Variants in SNX31 observed in about 807,000 individuals in gnomAD.
SNX31 encodes the protein sorting nexin 31, also known as sorting nexin-31.
In SNX31, 58 loss-of-function variants were observed where a neutral mutation model predicts 65.4. That is an observed-to-expected ratio of 0.89 (90% CI 0.72 to 1.10). The LOEUF is 1.10. SNX31 is among the 50% of genes least tolerant of loss of function. The pLI, the probability that SNX31 is intolerant of heterozygous loss-of-function variation, is 0.00. For missense variants in SNX31, 523 were observed against 529.7 expected (o/e 0.99, Z 0.12); for synonymous variants, 181 against 190.1 (o/e 0.95, Z 0.39).
rs1334250786 is a variant in SNX31, at chr8:100,584,190, T to C, written c.1093-2A>G. The C allele has an allele frequency of 6.3e-7, 1 of 1,592,692 alleles. No individual in the cohort carries two copies. The highest frequency in any genetic ancestry group is 8.5e-7 in the Non-Finnish European group (1 of 1,171,864). The stretch of plus-strand genomic sequence containing the variant: ...CAAGCAGCTACTCAGCAAAAAAGCC[T>C]AAGAAATGCAGGAATAAAGAACTCT... On this transcript the variant is annotated splice_acceptor_variant, in intron 11 of 13. Transcript: ENST00000311812. LOFTEE classifies it high-confidence loss of function.
intron 2 of SNX31, among the ~76,000 whole-genome samples, chr8:100,644,407 A>G (rs1414374127): frequency 1.3e-5 from 2 of 152,196 alleles, no homozygotes; most frequent in Admixed American, 6.5e-5. Flanking sequence ...CTTTAAATCT[A>G]TTTGGGCAGG....
intron 12 of SNX31, among the ~76,000 whole-genome samples, chr8:100,582,908 G>A (rs1054803488): frequency 1.1e-4 from 16 of 151,412 alleles, no homozygotes; most frequent in African/African-American, 1.9e-4. Flanking sequence ...GTGTGAACCC[G>A]GAAGGCGGAG....
Position 100,625,335 on chromosome 8 carries a change from A to G in SNX31, c.321+4992T>C, listed in dbSNP as rs566812848. Among the ~76,000 whole-genome samples, 1 of 150,150 alleles carries G rather than the reference A, an allele frequency of 6.7e-6. No individual in the cohort carries two copies. The highest frequency in any genetic ancestry group is 2.4e-5 in the African/African-American group (1 of 41,118). ...TGTAGAGAAATGACAGCGGCCCATC[A>G]TTGCATGTGATGGAGGTTTAGAGCC... On this transcript the variant is annotated intron_variant, in intron 4 of 13. Coordinates refer to ENST00000311812, the MANE Select transcript of SNX31 (RefSeq NM_152628.4). This position sits in a 1 kb window ranked among gnomAD's most constrained non-coding sequence, Gnocchi z 4.2.
At chr8:100,631,545 C>A (rs140252552) in intron 3 of SNX31, among the ~76,000 whole-genome samples, 1 of 149,812 alleles carries the variant, frequency 6.7e-6, no homozygotes, top group Admixed American at 6.7e-5. Context: ...TCAAGCAATT[C>A]TCCTGCCTCA....
At chr8:100,640,217 T>C (rs189998212) in intron 2 of SNX31, among the ~76,000 whole-genome samples, 1,782 of 152,312 alleles carry the variant, frequency 0.012, 18 homozygotes, top group Middle Eastern at 0.041. Context: ...AACCTCTGCC[T>C]CCTGGGTTCG....
rs957564681 is a variant in SNX31, at chr8:100,576,341, C to T, written c.1227+678G>A. 2.6e-5 allele frequency among the ~76,000 whole-genome samples: 4 copies of T among 152,198 alleles called. No individual in the cohort carries two copies. The highest frequency in any genetic ancestry group is 9.6e-5 in the African/African-American group (4 of 41,452). On this transcript the variant is annotated intron_variant, in intron 13 of 13. Transcript: ENST00000311812. This position sits in a 1 kb window ranked among gnomAD's most constrained non-coding sequence, Gnocchi z 4.8. Reference sequence around the variant, plus strand: ...AAGTCACTTTTCTTTCATTCACCTACACTAGGATTTGGACTTAGAAAGGAA... The same window carrying T: ...AAGTCACTTTTCTTTCATTCACCTATACTAGGATTTGGACTTAGAAAGGAA...
chr8:100,597,426 G>T (rs1815213310), intron 9 of SNX31, among the ~76,000 whole-genome samples: 3 of 152,148 alleles, frequency 2.0e-5, no homozygotes, highest in Admixed American at 2.0e-4. Context: ...ATTTTTAGTG[G>T]AGACAGGGTT....
At chr8:100,631,356 T>C (rs1017967830) in intron 3 of SNX31, among the ~76,000 whole-genome samples, 2 of 152,060 alleles carry the variant, frequency 1.3e-5, no homozygotes, top group African/African-American at 4.8e-5. Context: ...TCCTCTCCTA[T>C]ATCCTGCGCT....
intron 12 of SNX31, 38 bp downstream of exon 12, chr8:100,584,073 A>C: frequency 6.3e-7 from 1 of 1,578,302 alleles, no homozygotes; most frequent in South Asian, 1.1e-5. Context: ...GATAGTGGGA[A>C]CGTAAAGTGA....
At chr8:100,591,430 A>T (rs1009495683) in intron 10 of SNX31, among the ~76,000 whole-genome samples, 36 of 146,972 alleles carry the variant, frequency 2.4e-4, no homozygotes, top group Admixed American at 2.1e-4. Flanking sequence ...CGGAGCTTGC[A>T]GTGAGCCGAG....
At chr8:100,601,230 G>C (rs947550424) in intron 8 of SNX31, among the ~76,000 whole-genome samples, 2 of 152,158 alleles carry the variant, frequency 1.3e-5, no homozygotes, top group African/African-American at 4.8e-5. Context: ...TGTGATGTAG[G>C]TACTGTTATG....
At position 100,600,396 on chromosome 8, in the gene SNX31, G is replaced by C. The variant is rs1815508933; in HGVS notation, c.727C>G (p.Gln243Glu). Residue 243 changes from glutamine to glutamate, a missense_variant, in exon 9 of 14, where the codon CAG becomes GAG. Gln to Glu is a conservative substitution (Grantham distance 29). Transcript: ENST00000311812. Reference sequence around the variant, plus strand: ...TGGAAAGCTTCTAATTTCTGCCTCTGTGCCTGTGTGGGTTTGGCCCATCCT... The same window carrying C: ...TGGAAAGCTTCTAATTTCTGCCTCTCTGCCTGTGTGGGTTTGGCCCATCCT... The part of the protein sequence containing the change: ...EKGWAKPTQA[Q>E]RQKLEAFQKE... 14 of 1,613,742 alleles carry C rather than the reference G, an allele frequency of 8.7e-6. No homozygotes were observed. The highest frequency in any genetic ancestry group is 1.2e-5 in the Non-Finnish European group (14 of 1,179,834).
chr8:100,615,301 C>T (rs1044501413), intron 5 of SNX31, among the ~76,000 whole-genome samples: 18 of 152,148 alleles, frequency 1.2e-4, no homozygotes, highest in African/African-American at 3.9e-4. Context: ...TACCACAGAA[C>T]CCTGGAGATA....
At chr8:100,646,704 T>C (rs1373105905) in intron 2 of SNX31, among the ~76,000 whole-genome samples, 4 of 152,226 alleles carry the variant, frequency 2.6e-5, no homozygotes, top group Non-Finnish European at 4.4e-5. Flanking sequence ...ACCTCGATCA[T>C]GGTGGTGGTA....
intron 9 of SNX31, among the ~76,000 whole-genome samples, chr8:100,597,570 C>T (rs1586896371): frequency 6.6e-6 from 1 of 152,144 alleles, no homozygotes; most frequent in East Asian, 1.9e-4. Flanking sequence ...AAAAACTAAG[C>T]TGAGATCTAT....
chr8:100,575,341 C>T lies in SNX31; in HGVS notation c.1228-1381G>A, dbSNP rs368514577. Among the ~76,000 whole-genome samples, 5 of 152,256 alleles carry T rather than the reference C, an allele frequency of 3.3e-5. No homozygotes were observed. The highest frequency in any genetic ancestry group is 4.8e-5 in the African/African-American group (2 of 41,544). ...GCTTTGGTTGTTTATTGGGATTAAACGAGTTATACATAAAAAGTAATTATA... is the reference window on the plus strand; with the variant it reads ...GCTTTGGTTGTTTATTGGGATTAAATGAGTTATACATAAAAAGTAATTATA... On this transcript the variant is annotated intron_variant, in intron 13 of 13. Transcript: ENST00000311812. The surrounding 1 kb of genome is among the most constrained non-coding windows in gnomAD (Gnocchi z 5.1).
At chr8:100,592,635 A>C (rs1814689856) in intron 10 of SNX31, among the ~76,000 whole-genome samples, 1 of 152,184 alleles carries the variant, frequency 6.6e-6, no homozygotes, top group South Asian at 2.1e-4. Context: ...TATATACTCA[A>C]GAGACATAAA....
chr8:100,602,217 G>A lies in SNX31; in HGVS notation c.682-1776C>T, dbSNP rs113900407. Reference sequence around the variant, plus strand: ...CCTTAGTCTGAACATAAGCCTATCTGCTACATCCCTCAGTGATATTGGCAG... The same window carrying A: ...CCTTAGTCTGAACATAAGCCTATCTACTACATCCCTCAGTGATATTGGCAG... On this transcript the variant is annotated intron_variant, in intron 8 of 13. Coordinates refer to ENST00000311812, the MANE Select transcript of SNX31 (RefSeq NM_152628.4). Among the ~76,000 whole-genome samples, 840 of 152,324 alleles carry A rather than the reference G, an allele frequency of 5.5e-3. 13 individuals are homozygous for A. The highest frequency in any genetic ancestry group is 0.019 in the African/African-American group (779 of 41,564).
chr8:100,645,230 A>G (rs939571825), intron 2 of SNX31, among the ~76,000 whole-genome samples: 2 of 152,272 alleles, frequency 1.3e-5, no homozygotes, highest in Non-Finnish European at 1.5e-5. Context: ...ATCAGGATGC[A>G]GAACTTCCCA....
Sources: allele counts gnomAD v4.1 joint callset (sites outside exome capture counted in the v4.1 genomes callset), GRCh38; gene constraint gnomAD v4.1.1; non-coding constraint Gnocchi (gnomAD v3.1); transcripts MANE v1.5; gene names NCBI Gene and HGNC (gene_info 2026-07-23, HGNC 2026-07-21).